The following TAFA5 variants were observed in gnomAD, a reference collection of about 807,000 sequenced individuals.
TAFA5 encodes the protein chemokine-like protein TAFA-5.
Under a neutral mutation model 15.3 loss-of-function variants are expected in TAFA5, and 6 were observed. That is an observed-to-expected ratio of 0.39 (90% confidence interval 0.21 to 0.77). The LOEUF (loss-of-function observed/expected upper bound fraction) is 0.77. Among genes scored for constraint, TAFA5 ranks in the 30% least tolerant of loss-of-function variants. The pLI is 0.41. For synonymous variants in TAFA5, 103 were observed against 80.7 expected (o/e 1.28, Z -1.48); for missense variants, 161 against 193.1 (o/e 0.83, Z 0.98).
At chr22:48,601,506 T>C (rs902060685) in intron 1 of TAFA5, among the ~76,000 whole-genome samples, 1 of 152,042 alleles carries the variant, frequency 6.6e-6, no homozygotes, top group Non-Finnish European at 1.5e-5. Flanking sequence ...TTTGCATTTT[T>C]AGTAGAGACA....
intron 1 of TAFA5, among the ~76,000 whole-genome samples, chr22:48,605,021 T>C (rs1164848762): frequency 1.3e-5 from 2 of 151,078 alleles, no homozygotes; most frequent in Non-Finnish European, 2.9e-5. Context: ...TTGATGGTAA[T>C]GATGGTGATG....
intron 3 of TAFA5, among the ~76,000 whole-genome samples, chr22:48,712,808 G>T (rs1319652399): frequency 6.6e-6 from 1 of 152,196 alleles, no homozygotes; most frequent in Non-Finnish European, 1.5e-5. Flanking sequence ...TCCCATTCCT[G>T]TGCTCTGCCT....
chr22:48,692,867 A>G (rs976184956), intron 2 of TAFA5, among the ~76,000 whole-genome samples: 1 of 152,258 alleles, frequency 6.6e-6, no homozygotes, highest in Non-Finnish European at 1.5e-5. Flanking sequence ...GGCCAGGAAC[A>G]GCCCAGAGCT....
At chr22:48,532,996 C>T (rs1370173518) in intron 1 of TAFA5, among the ~76,000 whole-genome samples, 1 of 152,122 alleles carries the variant, frequency 6.6e-6, no homozygotes, top group African/African-American at 2.4e-5. Context: ...TTGAAGTGAG[C>T]GCAGGGTGCT....
intron 1 of TAFA5, among the ~76,000 whole-genome samples, chr22:48,617,338 A>T (rs1356644991): frequency 1.3e-5 from 2 of 151,410 alleles, no homozygotes; most frequent in African/African-American, 4.8e-5. Flanking sequence ...CAAAGGGAAC[A>T]GATTCTCCCC....
intron 1 of TAFA5, among the ~76,000 whole-genome samples, chr22:48,579,995 G>A (rs1053199204): frequency 6.6e-5 from 10 of 152,158 alleles, no homozygotes; most frequent in African/African-American, 2.2e-4. Flanking sequence ...TGCATTCGAC[G>A]GCTTGAACGT....
chr22:48,529,848 C>G (rs1291520192), intron 1 of TAFA5, among the ~76,000 whole-genome samples: 1 of 152,068 alleles, frequency 6.6e-6, no homozygotes, highest in Non-Finnish European at 1.5e-5. Context: ...GTGGTTGTAG[C>G]CCTTGAGTCA....
intron 3 of TAFA5, among the ~76,000 whole-genome samples, chr22:48,736,255 C>A (rs181786424): frequency 1.3e-4 from 7 of 53,396 alleles, no homozygotes; most frequent in Non-Finnish European, 1.2e-4. Context: ...CCTAGGGTCC[C>A]TCCCCGCAGG....
At chr22:48,591,887 G>A (rs1924582286) in intron 1 of TAFA5, among the ~76,000 whole-genome samples, 1 of 152,184 alleles carries the variant, frequency 6.6e-6, no homozygotes, top group South Asian at 2.1e-4. Flanking sequence ...AGCATCCCGG[G>A]CGCCTGGGCC....
chr22:48,531,565 G>A (rs890007447), intron 1 of TAFA5, among the ~76,000 whole-genome samples: 2 of 152,200 alleles, frequency 1.3e-5, no homozygotes, highest in South Asian at 2.1e-4. Flanking sequence ...GCGTCAGGTT[G>A]GGGTAGCCGG....
intron 1 of TAFA5, among the ~76,000 whole-genome samples, chr22:48,561,521 C>T (rs538033034): frequency 1.3e-5 from 2 of 152,268 alleles, no homozygotes; most frequent in East Asian, 1.9e-4. Flanking sequence ...TCTGTGGAGG[C>T]CACACCTCTC....
chr22:48,595,968 C>T (rs1411084252), intron 1 of TAFA5, among the ~76,000 whole-genome samples: 1 of 152,328 alleles, frequency 6.6e-6, no homozygotes, highest in South Asian at 2.1e-4. Context: ...TCTAATTAAG[C>T]TCCATTCTGG....
At chr22:48,534,675 G>A (rs893460112) in intron 1 of TAFA5, among the ~76,000 whole-genome samples, 1 of 152,206 alleles carries the variant, frequency 6.6e-6, no homozygotes, top group African/African-American at 2.4e-5. Context: ...CGGGGGTGTG[G>A]GGAGGTTGAA....
intron 3 of TAFA5, among the ~76,000 whole-genome samples, chr22:48,718,048 G>T (rs1354130115): frequency 6.6e-6 from 1 of 152,220 alleles, no homozygotes; most frequent in Non-Finnish European, 1.5e-5. Flanking sequence ...GGGCTGTGGA[G>T]CTCGTGGCCT....
intron 1 of TAFA5, among the ~76,000 whole-genome samples, chr22:48,645,549 T>G (rs1601639758): frequency 6.6e-6 from 1 of 152,192 alleles, no homozygotes; most frequent in Non-Finnish European, 1.5e-5. Context: ...GTCCCTTCTC[T>G]GTACCACAGG....
At chr22:48,716,453 G>C (rs748026909) in intron 3 of TAFA5, among the ~76,000 whole-genome samples, 1 of 152,196 alleles carries the variant, frequency 6.6e-6, no homozygotes, top group Non-Finnish European at 1.5e-5. Context: ...TCACTCATAA[G>C]TGGGAGTTGA....
intron 1 of TAFA5, among the ~76,000 whole-genome samples, chr22:48,608,275 C>T (rs745658916): frequency 2.0e-5 from 3 of 152,234 alleles, no homozygotes; most frequent in Non-Finnish European, 4.4e-5. Context: ...CAAGAAGCCT[C>T]CTGTTTTCTC....
At chr22:48,583,583 C>A (rs1452026433) in intron 1 of TAFA5, among the ~76,000 whole-genome samples, 1 of 150,262 alleles carries the variant, frequency 6.7e-6, no homozygotes, top group Non-Finnish European at 1.5e-5. Flanking sequence ...CGCACACACA[C>A]CACACACCAA....
chr22:48,730,426 T>G (rs980917050), intron 3 of TAFA5, among the ~76,000 whole-genome samples: 1 of 152,034 alleles, frequency 6.6e-6, no homozygotes, highest in Admixed American at 6.6e-5. Context: ...TGCAGTGCGG[T>G]GGAGCCAACA....
Sources: gnomAD v4.1 joint callset for allele counts (sites outside exome capture counted in the v4.1 genomes callset) on GRCh38, gnomAD v4.1.1 for gene constraint, MANE v1.5 for transcripts, NCBI Gene and HGNC (gene_info 2026-07-23, HGNC 2026-07-21) for gene names.